Variants in ETF1 observed in about 807,000 individuals in gnomAD.
ETF1 encodes the protein eukaryotic translation termination factor 1, also known as eukaryotic peptide chain release factor subunit 1.
In ETF1, 4 loss-of-function variants were observed where a neutral mutation model predicts 55.1. That is an observed-to-expected ratio of 0.07 (90% CI 0.04 to 0.17). The LOEUF (loss-of-function observed/expected upper bound fraction) is 0.17, where lower values mean the gene tolerates loss of function less well. Among genes scored for constraint, ETF1 ranks in the 10% least tolerant of loss-of-function variants. The pLI, the probability that ETF1 is intolerant of heterozygous loss-of-function variation, is 1.00. For missense variants in ETF1, 142 were observed against 523.6 expected (o/e 0.27, Z 7.11); for synonymous variants, 157 against 182.3 (o/e 0.86, Z 1.12).
At chr5:138,512,132 C>T (rs1581017559) in intron 6 of ETF1, among the ~76,000 whole-genome samples, 3 of 129,864 alleles carry the variant, frequency 2.3e-5, no homozygotes, top group South Asian at 2.6e-4. Context: ...CCTGGGAGAT[C>T]GAGGCTGCAG....
chr5:138,520,557 C>T (rs1375247156), intron 2 of ETF1, among the ~76,000 whole-genome samples: 2 of 152,204 alleles, frequency 1.3e-5, no homozygotes, highest in East Asian at 3.8e-4. Context: ...GTGGCTCACA[C>T]CTGTAATCCC....
chr5:138,529,921 A>G (rs544654404), intron 2 of ETF1, among the ~76,000 whole-genome samples: 7 of 151,812 alleles, frequency 4.6e-5, no homozygotes, highest in African/African-American at 1.7e-4. Flanking sequence ...TTTTCTTTTT[A>G]TTTTCGAGAT....
chr5:138,512,051 T>C (rs1764805184), intron 6 of ETF1: 1 of 187,224 alleles, frequency 5.3e-6, no homozygotes, highest in Admixed American at 6.7e-5. Flanking sequence ...AGTACAAAAA[T>C]TAGTTGGGCA....
At chr5:138,520,873 T>C (rs751597100) in intron 2 of ETF1, among the ~76,000 whole-genome samples, 38 of 152,076 alleles carry the variant, frequency 2.5e-4, no homozygotes, top group Non-Finnish European at 3.2e-4. Context: ...TTGGAACCCT[T>C]GTGCATTGCC....
At chr5:138,513,189 T>C (rs567317068) in intron 5 of ETF1, 13 of 985,294 alleles carry the variant, frequency 1.3e-5, no homozygotes, top group Admixed American at 1.2e-4. Context: ...AGGAGGCTTC[T>C]CTCCCCATCA....
chr5:138,541,243 G>A (rs952730722), intron 2 of ETF1, among the ~76,000 whole-genome samples: 4 of 152,160 alleles, frequency 2.6e-5, no homozygotes, highest in Non-Finnish European at 4.4e-5. Flanking sequence ...TACCCTTTCT[G>A]TACAGTATTC....
At chr5:138,508,584 C>T (rs1260696045) in intron 10 of ETF1, 85 bp downstream of exon 10, 6 of 1,574,750 alleles carry the variant, frequency 3.8e-6, no homozygotes, top group Non-Finnish European at 5.2e-6. Context: ...ATAAGCACCT[C>T]ACCGGAAGCA....
At position 138,533,717 on chromosome 5, in the gene ETF1, T is replaced by C. The variant is rs143693361; in HGVS notation, c.86+9116A>G. 1.3e-3 allele frequency among the ~76,000 whole-genome samples: 200 copies of C among 152,138 alleles called. 3 individuals are homozygous for C. The South Asian group carries it at 0.031, about 24-fold the overall frequency. The stretch of plus-strand genomic sequence containing the variant: ...AAACAAAACAAAAACCAACAACAAA[T>C]TGTCAGTCCTTGGAGAGGAACTAAT... On this transcript the variant is annotated intron_variant, in intron 2 of 10. Coordinates refer to ENST00000360541, the MANE Select transcript of ETF1 (RefSeq NM_004730.4).
intron 2 of ETF1, among the ~76,000 whole-genome samples, chr5:138,542,265 G>A (rs1045615085): frequency 3.9e-5 from 6 of 152,170 alleles, no homozygotes; most frequent in Admixed American, 2.6e-4. Flanking sequence ...GTAATTAGAG[G>A]ACTTGGGAGA....
At chr5:138,524,562 A>G (rs1450703596) in intron 2 of ETF1, among the ~76,000 whole-genome samples, 1 of 151,498 alleles carries the variant, frequency 6.6e-6, no homozygotes, top group African/African-American at 2.4e-5. Context: ...CTTAAAAAAA[A>G]AAAAAATTTC....
chr5:138,537,896 T>A (rs1428370510), intron 2 of ETF1, among the ~76,000 whole-genome samples: 11 of 137,356 alleles, frequency 8.0e-5, no homozygotes, highest in Non-Finnish European at 1.7e-4. Context: ...ATTATTATTA[T>A]TTTTTTTTTT....
At chr5:138,512,258 A>ATATATATTTTT (rs1484458741) in intron 6 of ETF1, among the ~76,000 whole-genome samples, 1 of 20,006 alleles carries the variant, frequency 5.0e-5, no homozygotes, top group African/African-American at 1.9e-4. Context: ...ATATATATAT[A>ATATATATTTTT]TTTTTTTTTT....
intron 2 of ETF1, chr5:138,519,162 G>A (rs887678704): frequency 6.1e-6 from 6 of 984,228 alleles, no homozygotes; most frequent in Non-Finnish European, 7.2e-6. Context: ...AGCTATCTAT[G>A]ATAAATAAGG....
intron 5 of ETF1, 67 bp downstream of exon 5, chr5:138,513,501 G>A: frequency 1.5e-6 from 2 of 1,367,426 alleles, no homozygotes; most frequent in Non-Finnish European, 2.1e-6. Flanking sequence ...ACCGCACCCG[G>A]CCCACCATAC....
chr5:138,522,067 T>C (rs912973915), intron 2 of ETF1, among the ~76,000 whole-genome samples: 1 of 152,190 alleles, frequency 6.6e-6, no homozygotes, highest in African/African-American at 2.4e-5. Flanking sequence ...TTAAAAACTT[T>C]TAGGCTGCTC....
chr5:138,542,213 T>G (rs1766206930), intron 2 of ETF1, among the ~76,000 whole-genome samples: 1 of 152,080 alleles, frequency 6.6e-6, no homozygotes, highest in South Asian at 2.1e-4. Flanking sequence ...ATTTTCAGTT[T>G]ATAGGTGGGT....
chr5:138,516,929 T>C (rs1215254862), intron 4 of ETF1, among the ~76,000 whole-genome samples: 1 of 152,080 alleles, frequency 6.6e-6, no homozygotes, highest in Non-Finnish European at 1.5e-5. Flanking sequence ...ATATAAAATA[T>C]GAAATATGGC....
At chr5:138,513,773 A>C in intron 4 of ETF1, 67 bp from the exon 5 acceptor site, 1 of 1,543,434 alleles carries the variant, frequency 6.5e-7, no homozygotes, top group Non-Finnish European at 8.8e-7. Flanking sequence ...AAAACTCTGA[A>C]AGGATATATA....
Position 138,510,062 on chromosome 5 carries a change from G to GA in ETF1, c.1083+502dup, listed in dbSNP as rs545620867. Among the ~76,000 whole-genome samples the GA allele has an allele frequency of 1.1e-3, 130 of 122,998 alleles. 1 individual carries two copies. The highest frequency in any genetic ancestry group is 4.4e-3 in the Middle Eastern group (1 of 226). The allele number at this position is 122,998 out of a possible 152,430, so 80.7% of individuals were successfully genotyped here. A position where few individuals can be genotyped will look rare whatever the true frequency, so the allele number is the denominator to read the frequency against. ...TGACAGACCAGGACCCTATCTCAAAGAAAAAAAAAAAAAGACCGGTCATGG... is the reference window on the plus strand; with the variant it reads ...TGACAGACCAGGACCCTATCTCAAAGAAAAAAAAAAAAAAGACCGGTCATGG... On this transcript the variant is annotated intron_variant, in intron 9 of 10. Coordinates refer to ENST00000360541, the MANE Select transcript of ETF1 (RefSeq NM_004730.4).
Sources: allele counts gnomAD v4.1 joint callset (sites outside exome capture counted in the v4.1 genomes callset), GRCh38; gene constraint gnomAD v4.1.1; transcripts MANE v1.5; gene names NCBI Gene and HGNC (gene_info 2026-07-23, HGNC 2026-07-21).